Variants in LRTM3 observed in about 807,000 individuals in gnomAD.
LRTM3 encodes leucine-rich repeat transmembrane protein 3.
the LRTM3 span, chr13:102,750,516 A>G: frequency 1.7e-6 from 1 of 579,472 alleles, no homozygotes; most frequent in Non-Finnish European, 2.9e-6. Flanking sequence ...TTGGAAAATC[A>G]TTATCCATAT....
At chr13:102,734,233 T>C in the LRTM3 span, 1 of 1,551,426 alleles carries the variant, frequency 6.4e-7, no homozygotes, top group Non-Finnish European at 8.7e-7. Context: ...GTGACCTATG[T>C]GGTTTTCCTT....
the LRTM3 span, chr13:102,743,415 G>T: frequency 6.4e-7 from 1 of 1,550,554 alleles, no homozygotes; most frequent in East Asian, 2.4e-5. Flanking sequence ...ATTGCTTTCA[G>T]TTTGGTTTTT....
chr13:102,745,564 C>T, the LRTM3 span: 2 of 1,550,984 alleles, frequency 1.3e-6, no homozygotes, highest in Non-Finnish European at 1.7e-6. Flanking sequence ...GCTTCTTTGC[C>T]TTTATAATTC....
chr13:102,747,455 T>C, the LRTM3 span: 1 of 1,549,070 alleles, frequency 6.5e-7, no homozygotes. Flanking sequence ...GAGTACACTT[T>C]TTGTTTCTGA....
the LRTM3 span, chr13:102,745,849 G>T: frequency 6.4e-7 from 1 of 1,551,114 alleles, no homozygotes; most frequent in Non-Finnish European, 8.7e-7. Flanking sequence ...CCAGTGTAGG[G>T]CATGAAGTAG....
At chr13:102,745,845 T>C in the LRTM3 span, 2 of 1,551,236 alleles carry the variant, frequency 1.3e-6, no homozygotes, top group Non-Finnish European at 1.7e-6. Flanking sequence ...TGATCCAGTG[T>C]AGGGCATGAA....
At chr13:102,749,211 C>T in the LRTM3 span, 8 of 1,549,874 alleles carry the variant, frequency 5.2e-6, no homozygotes, top group Non-Finnish European at 5.2e-6. Flanking sequence ...GTTTTTTTGG[C>T]TTTTAGAGAT....
chr13:102,744,698 C>T, the LRTM3 span: 15 of 1,550,772 alleles, frequency 9.7e-6, no homozygotes, highest in Non-Finnish European at 1.1e-5. Flanking sequence ...TTGACTATAG[C>T]ATGGAACTGA....
chr13:102,744,572 T>C, the LRTM3 span: 1 of 1,550,570 alleles, frequency 6.4e-7, no homozygotes, highest in Non-Finnish European at 8.7e-7. Flanking sequence ...TGTTTCTTGC[T>C]TTGTTTTTTG....
At chr13:102,746,164 T>C in the LRTM3 span, 1 of 1,551,186 alleles carries the variant, frequency 6.4e-7, no homozygotes, top group South Asian at 1.2e-5. Context: ...GCAAACGTTG[T>C]CCATTAATAT....
the LRTM3 span, chr13:102,740,087 G>A: frequency 6.5e-7 from 1 of 1,549,510 alleles, no homozygotes; most frequent in East Asian, 2.4e-5. Flanking sequence ...TAATGTTATA[G>A]GCAGACATAC....
the LRTM3 span, chr13:102,732,813 T>A: frequency 6.4e-7 from 1 of 1,551,410 alleles, no homozygotes; most frequent in Non-Finnish European, 8.7e-7. Context: ...TCTTTCTGAT[T>A]CACAGTACTA....
chr13:102,743,056 C>T, the LRTM3 span: 1 of 1,550,278 alleles, frequency 6.5e-7, no homozygotes, highest in African/African-American at 1.4e-5. Flanking sequence ...AAAGCACATC[C>T]TCTGATTTAC....
the LRTM3 span, among the ~76,000 whole-genome samples, chr13:102,755,945 A>G: frequency 0.29 from 21,588 of 74,860 alleles, 2,052 homozygotes; most frequent in South Asian, 0.36. Flanking sequence ...ATATATACAT[A>G]TATATATATA....
the LRTM3 span, chr13:102,735,183 T>A: frequency 1.3e-6 from 2 of 1,551,352 alleles, no homozygotes; most frequent in Non-Finnish European, 1.7e-6. Context: ...AAACTGTGCG[T>A]ATGTAAGACA....
chr13:102,731,102 A>G, the LRTM3 span: 17 of 1,551,254 alleles, frequency 1.1e-5, no homozygotes, highest in Non-Finnish European at 1.4e-5. Context: ...AGGCAATAGC[A>G]TCTCACTAGC....
chr13:102,744,035 A>G, the LRTM3 span: 2 of 1,550,458 alleles, frequency 1.3e-6, no homozygotes, highest in Non-Finnish European at 1.7e-6. Context: ...GAGTTTATCA[A>G]TCATTGATTT....
At chr13:102,731,246 T>G in the LRTM3 span, 1 of 1,551,388 alleles carries the variant, frequency 6.4e-7, no homozygotes, top group Non-Finnish European at 8.7e-7. Context: ...CTTTTGGTGT[T>G]TATGTTTTGA....
At chr13:102,741,899 T>C in the LRTM3 span, 1 of 1,550,198 alleles carries the variant, frequency 6.5e-7, no homozygotes. Flanking sequence ...CGGTCCAATA[T>C]AGTATTGGGA....
Sources: allele counts gnomAD v4.1 joint callset (sites outside exome capture counted in the v4.1 genomes callset), GRCh38; gene constraint gnomAD v4.1.1; transcripts MANE v1.5; gene names NCBI Gene and HGNC (gene_info 2026-07-23, HGNC 2026-07-21).